FER1L6: variants seen among roughly 807,000 people sequenced by gnomAD.
FER1L6 encodes fer-1 like family member 6, also known as fer-1-like protein 6.
A neutral mutation model predicts 219.2 loss-of-function variants in FER1L6; 177 were observed. That is an observed-to-expected ratio of 0.81 (90% CI 0.71 to 0.91). The LOEUF (loss-of-function observed/expected upper bound fraction) is 0.91, where lower values mean the gene tolerates loss of function less well. FER1L6 is among the 40% of genes least tolerant of loss of function. FER1L6 has a pLI of 0.00. For missense variants in FER1L6, 2,153 were observed against 2,259.9 expected (o/e 0.95, Z 0.96); for synonymous variants, 768 against 824.3 (o/e 0.93, Z 1.17).
At chr8:123,992,824 CTT>C (rs1022894993) in intron 12 of FER1L6, among the ~76,000 whole-genome samples, 9 of 152,096 alleles carry the variant, frequency 5.9e-5, no homozygotes, top group African/African-American at 1.9e-4. Flanking sequence ...ATCTATCAGA[CTT>C]TTTGATGTAG....
intron 40 of FER1L6, 126 bp downstream of exon 40, chr8:124,119,070 A>G: frequency 2.7e-6 from 2 of 733,840 alleles, no homozygotes; most frequent in Non-Finnish European, 4.5e-6. Flanking sequence ...GAGGCAGTCA[A>G]TTGGTGCTTT....
At chr8:124,046,523 T>G (rs993496409) in intron 21 of FER1L6, 76 of 152,186 alleles carry the variant, frequency 5.0e-4, no homozygotes, top group African/African-American at 1.8e-3. Flanking sequence ...ATTCTTTTCT[T>G]AAATTAGGTA....
intron 16 of FER1L6, among the ~76,000 whole-genome samples, chr8:124,019,033 A>G (rs1247110816): frequency 6.6e-6 from 1 of 152,204 alleles, no homozygotes; most frequent in Non-Finnish European, 1.5e-5. Context: ...CATCTTCTGT[A>G]TTACAACCAG....
chr8:123,941,248 C>T (rs1814227664), intron 1 of FER1L6, among the ~76,000 whole-genome samples: 1 of 152,170 alleles, frequency 6.6e-6, no homozygotes, highest in African/African-American at 2.4e-5. Context: ...ACCTGGAGAG[C>T]TTAGATAGAA....
At chr8:124,092,289 A>G (rs534986706) in intron 34 of FER1L6, among the ~76,000 whole-genome samples, 2 of 152,222 alleles carry the variant, frequency 1.3e-5, no homozygotes, top group South Asian at 4.1e-4. Flanking sequence ...TGTAGTGACA[A>G]TGCTATAATG....
intron 34 of FER1L6, among the ~76,000 whole-genome samples, chr8:124,093,327 C>G (rs982596423): frequency 6.6e-5 from 10 of 151,836 alleles, no homozygotes; most frequent in South Asian, 2.1e-4. Flanking sequence ...CTTGCTCATG[C>G]CTTTGATGCT....
At chr8:123,990,322 A>T (rs1032061817) in intron 12 of FER1L6, among the ~76,000 whole-genome samples, 91 of 152,214 alleles carry the variant, frequency 6.0e-4, no homozygotes, top group African/African-American at 2.1e-3. Context: ...TAGAGATTGT[A>T]CTGATTTACA....
chr8:124,000,440 G>A (rs964697544), intron 12 of FER1L6, among the ~76,000 whole-genome samples: 11 of 152,220 alleles, frequency 7.2e-5, no homozygotes, highest in African/African-American at 2.6e-4. Flanking sequence ...TCACTTCAGG[G>A]TTCTATTGGC....
intron 14 of FER1L6, among the ~76,000 whole-genome samples, 166 bp downstream of exon 14, chr8:124,010,880 T>A (rs1196420956): frequency 6.6e-6 from 1 of 152,200 alleles, no homozygotes; most frequent in African/African-American, 2.4e-5. Flanking sequence ...TCTAGGGGAA[T>A]GAGACCTCAT....
At chr8:124,064,628 G>A in intron 26 of FER1L6, 55 bp downstream of exon 26, 1 of 1,504,448 alleles carries the variant, frequency 6.6e-7, no homozygotes, top group Non-Finnish European at 9.1e-7. Context: ...TTGCATTGCA[G>A]GTCTCAGACA....
At chr8:124,092,850 CCCTTTTT>C (rs1822097795) in intron 34 of FER1L6, among the ~76,000 whole-genome samples, 2 of 64,034 alleles carry the variant, frequency 3.1e-5, no homozygotes, top group African/African-American at 6.0e-5. Flanking sequence ...GGAAGTGCTA[CCCTTTTT>C]TTTTTTTTTT....
rs757073355 is a variant in FER1L6, at chr8:123,986,077, G to GA, written c.1427dup (p.Asn476LysfsTer2). ...TGTTTTCTTTCTGTAGATTGTACCA[G>GA]AAAAAAATGAGGAATTTTTACTCTT... On this transcript the variant is annotated frameshift_variant, in exon 12 of 41. Transcript: ENST00000522917. LOFTEE classifies it high-confidence loss of function. 1.2e-5 allele frequency: 20 copies of GA among 1,607,450 alleles called. No individual in the cohort carries two copies. Among genetic ancestry groups the GA allele is most frequent in the Non-Finnish European group, 1.5e-5 (18 of 1,174,306 alleles).
chr8:124,054,917 G>A lies in FER1L6; in HGVS notation c.2874+5161G>A, dbSNP rs1018790415. 5.3e-5 allele frequency among the ~76,000 whole-genome samples: 8 copies of A among 152,192 alleles called. 1 individual carries two copies. The highest frequency in any genetic ancestry group is 1.9e-4 in the East Asian group (1 of 5,206). ...GAAGATGCCAGATCCAGTGTATTCC[G>A]AAGGGGCAAGGAGAGAAGCAGAAAG... is the stretch of plus-strand genomic sequence containing the variant. On this transcript the variant is annotated intron_variant, in intron 22 of 40. Transcript: ENST00000522917.
chr8:123,891,725 C>T (rs187334675), intron 1 of FER1L6, among the ~76,000 whole-genome samples: 1 of 152,218 alleles, frequency 6.6e-6, no homozygotes, highest in East Asian at 1.9e-4. Flanking sequence ...ATGAAAAAGG[C>T]ACTCACTTCT....
intron 1 of FER1L6, among the ~76,000 whole-genome samples, chr8:123,923,970 T>C (rs1037297245): frequency 7.5e-6 from 1 of 133,962 alleles, no homozygotes; most frequent in Non-Finnish European, 1.6e-5. Flanking sequence ...AAAGTGAAAA[T>C]CTGGCTGGGC....
At chr8:124,118,779 G>T in intron 39 of FER1L6, 65 bp from the exon 40 acceptor site, 1 of 1,325,040 alleles carries the variant, frequency 7.5e-7, no homozygotes. Flanking sequence ...AACACTTCTA[G>T]AAGGTTGCCA....
chr8:123,975,201 G>C lies in FER1L6; in HGVS notation c.578G>C (p.Arg193Thr). 1 of 1,612,548 alleles carries C rather than the reference G, an allele frequency of 6.2e-7. No homozygotes were observed. Among genetic ancestry groups the C allele is most frequent in the South Asian group, 1.1e-5 (1 of 90,892 alleles). The change falls in exon 8 of 41, where the codon AGG becomes ACG. Residue 193 changes from arginine (R) to threonine (T), a missense_variant. Arg to Thr is a moderately conservative substitution (Grantham distance 71). Coordinates refer to ENST00000522917, the MANE Select transcript of FER1L6 (RefSeq NM_001039112.2). ...CTGCTCACAGACCCTGGTGACATCA[G>C]GACTGGCACCAAGGGGTACCTGAAA... Reference protein sequence around the residue: ...WALLTDPGDIRTGTKGYLKCD... With the variant: ...WALLTDPGDITTGTKGYLKCD...
At chr8:124,057,309 T>C (rs1820345548) in intron 22 of FER1L6, among the ~76,000 whole-genome samples, 1 of 152,238 alleles carries the variant, frequency 6.6e-6, no homozygotes, top group Non-Finnish European at 1.5e-5. Flanking sequence ...GTGCTTTCTC[T>C]TTTGAGAGGT....
chr8:124,076,445 A>C (rs1468948762), intron 32 of FER1L6, 120 bp downstream of exon 32: 1 of 968,836 alleles, frequency 1.0e-6, no homozygotes, highest in African/African-American at 1.6e-5. Flanking sequence ...GAGGTTAAAT[A>C]CTGGCTTCTG....
Sources: gnomAD v4.1 joint callset for allele counts (sites outside exome capture counted in the v4.1 genomes callset) on GRCh38, gnomAD v4.1.1 for gene constraint, MANE v1.5 for transcripts, NCBI Gene and HGNC (gene_info 2026-07-23, HGNC 2026-07-21) for gene names.